DMD: variants seen among roughly 807,000 people sequenced by gnomAD.
DMD encodes the protein dystrophin, also known as mutant dystrophin.
A neutral mutation model predicts 330.1 loss-of-function variants in DMD; 63 were observed. The ratio of observed to expected loss-of-function variants is 0.19; its 90% CI spans 0.16 to 0.24. The LOEUF is 0.24. DMD is among the 10% of genes least tolerant of loss of function. DMD has a pLI of 1.00. For synonymous variants in DMD, 1,223 were observed against 959.8 expected (o/e 1.27, Z -5.07); for missense variants, 3,344 against 2,684.1 (o/e 1.25, Z -5.43).
chrX:32,767,580 G>T (rs780646857), intron 7 of DMD, among the ~76,000 whole-genome samples: 2 of 111,396 alleles, frequency 1.8e-5, no homozygotes, highest in Non-Finnish European at 3.8e-5. Flanking sequence ...CTTTCAACAA[G>T]AAAATTTTGT....
intron 7 of DMD, among the ~76,000 whole-genome samples, chrX:32,748,999 G>A (rs373303643): frequency 8.9e-6 from 1 of 112,042 alleles, no homozygotes; most frequent in Admixed American, 9.4e-5. Flanking sequence ...GGGGACCTAC[G>A]TGGCAAGTGC....
rs1034092466 is a variant in DMD at position 31,935,919 on chromosome X, A to G, written c.6615-3692T>C. Among the ~76,000 whole-genome samples the G allele has an allele frequency of 6.3e-5, 7 of 111,227 alleles. No homozygotes were observed. The South Asian group carries it at 1.9e-3, about 30-fold the overall frequency. On this transcript the variant is annotated intron_variant, in intron 45 of 78. Coordinates refer to ENST00000357033, the MANE Select transcript of DMD (RefSeq NM_004006.3). ...AATATGTCTCAAATTATTTACTAGC[A>G]TATTTTTTTCTATCAAGAATATCCA...
intron 45 of DMD, among the ~76,000 whole-genome samples, chrX:31,962,220 C>A (rs1003534154): frequency 9.0e-6 from 1 of 111,369 alleles, no homozygotes; most frequent in Non-Finnish European, 1.9e-5. Context: ...CAGTGCATGG[C>A]AATATTAAGT....
chrX:31,517,666 T>TACAGGAACC (rs1344914329), intron 55 of DMD, among the ~76,000 whole-genome samples: 1 of 110,241 alleles, frequency 9.1e-6, no homozygotes, highest in Non-Finnish European at 1.9e-5. Flanking sequence ...GTCCCAGCCA[T>TACAGGAACC]ACAGGAACCA....
intron 16 of DMD, among the ~76,000 whole-genome samples, chrX:32,554,881 G>GA (rs1320812601): frequency 1.2e-4 from 1 of 8,452 alleles, no homozygotes; most frequent in African/African-American, 6.3e-4. Flanking sequence ...AAGGAAAGAA[G>GA]AAAGAAAGAA....
chrX:31,815,666 A>G (rs2092606864), intron 50 of DMD, among the ~76,000 whole-genome samples: 1 of 111,605 alleles, frequency 9.0e-6, no homozygotes, highest in Non-Finnish European at 1.9e-5. Context: ...TACGGTGACA[A>G]TAAAACCTTC....
At chrX:32,415,087 C>A (rs1047519681) in intron 29 of DMD, among the ~76,000 whole-genome samples, 1 of 111,623 alleles carries the variant, frequency 9.0e-6, no homozygotes, top group Non-Finnish European at 1.9e-5. Flanking sequence ...CCAATCACAG[C>A]GTGTAATAAT....
chrX:31,951,145 ATATATATATATATG>A (rs1233953200), intron 45 of DMD, among the ~76,000 whole-genome samples: 17 of 71,278 alleles, frequency 2.4e-4, no homozygotes, highest in African/African-American at 1.1e-3. Context: ...ATATATGTGT[ATATATATATATATG>A]TATATATATA....
intron 47 of DMD, among the ~76,000 whole-genome samples, chrX:31,890,785 A>AAAAAC (rs759076223): frequency 1.8e-5 from 2 of 111,902 alleles, no homozygotes; most frequent in Non-Finnish European, 3.8e-5. Context: ...TCATTCTCTA[A>AAAAAC]AAAACAAAAC....
intron 48 of DMD, among the ~76,000 whole-genome samples, chrX:31,848,329 C>T (rs2093463209): frequency 9.0e-6 from 1 of 111,329 alleles, no homozygotes; most frequent in Non-Finnish European, 1.9e-5. Context: ...CCTTTTATCT[C>T]GCAAATGGCC....
intron 2 of DMD, among the ~76,000 whole-genome samples, chrX:32,862,144 C>T (rs185543883): frequency 5.8e-4 from 65 of 111,906 alleles, no homozygotes; most frequent in African/African-American, 1.7e-3. Flanking sequence ...AAAAAAAGCA[C>T]GAAAATCTGG....
chrX:31,493,346 A>G (rs2069494845), intron 57 of DMD, among the ~76,000 whole-genome samples: 1 of 112,487 alleles, frequency 8.9e-6, no homozygotes, highest in Non-Finnish European at 1.9e-5. Context: ...ATAGAAAAGT[A>G]GACAATTTTA....
At chrX:31,320,985 A>G (rs5972373) in intron 62 of DMD, among the ~76,000 whole-genome samples, 6,312 of 111,090 alleles carry the variant, frequency 0.057, 418 homozygotes, top group African/African-American at 0.19. Context: ...AAGCATAATA[A>G]TCCTAAATTA....
intron 9 of DMD, among the ~76,000 whole-genome samples, chrX:32,645,632 A>C (rs1301911014): frequency 9.0e-6 from 1 of 111,719 alleles, no homozygotes; most frequent in Non-Finnish European, 1.9e-5. Context: ...GAAAACAAGG[A>C]GGTAGGGGAA....
At chrX:33,296,831 A>G (rs5972811) in intron 1 of DMD, among the ~76,000 whole-genome samples, 25,324 of 110,847 alleles carry the variant, frequency 0.23, 2,289 homozygotes, top group East Asian at 0.29. Flanking sequence ...AATTTAGCTG[A>G]TCCTTGAGAA....
intron 44 of DMD, among the ~76,000 whole-genome samples, chrX:32,107,809 A>G (rs1331413347): frequency 9.0e-6 from 1 of 111,453 alleles, no homozygotes; most frequent in Non-Finnish European, 1.9e-5. Context: ...CTTGTAGCCC[A>G]GTCAAGTTGA....
intron 55 of DMD, among the ~76,000 whole-genome samples, chrX:31,571,413 C>CTGCTA (rs10686482): frequency 1.2e-4 from 13 of 108,850 alleles, no homozygotes; most frequent in African/African-American, 4.0e-4. Context: ...TATTAATCTT[C>CTGCTA]TAACATTACC....
At chrX:32,968,495 T>C (rs1172737297) in intron 2 of DMD, among the ~76,000 whole-genome samples, 5 of 111,664 alleles carry the variant, frequency 4.5e-5, no homozygotes, top group Admixed American at 9.6e-5. Flanking sequence ...TATCCTTCAT[T>C]TGCTACAAAG....
intron 60 of DMD, among the ~76,000 whole-genome samples, chrX:31,437,144 C>A (rs919161293): frequency 9.0e-6 from 1 of 111,598 alleles, no homozygotes; most frequent in Non-Finnish European, 1.9e-5. Flanking sequence ...TGGAGAATTG[C>A]CACATAATAA....
Sources: gnomAD v4.1 joint callset for allele counts (sites outside exome capture counted in the v4.1 genomes callset) on GRCh38, gnomAD v4.1.1 for gene constraint, MANE v1.5 for transcripts, NCBI Gene and HGNC (gene_info 2026-07-23, HGNC 2026-07-21) for gene names.